KIAA0319: variants seen among roughly 807,000 people sequenced by gnomAD.
KIAA0319 encodes dyslexia-associated protein KIAA0319.
KIAA0319 carries 83 observed loss-of-function variants against 108.4 expected under a neutral mutation model. That is an observed-to-expected ratio of 0.77 (90% confidence interval 0.64 to 0.92). The LOEUF is 0.92. KIAA0319 is among the 40% of genes least tolerant of loss of function. The pLI, the probability that KIAA0319 is intolerant of heterozygous loss-of-function variation, is 0.00. For missense variants in KIAA0319, 1,195 were observed against 1,322.4 expected (o/e 0.90, Z 1.49); for synonymous variants, 484 against 510.4 (o/e 0.95, Z 0.70).
rs1231255682 is a variant in KIAA0319, at chr6:24,578,105, C to T, written c.1505+5G>A. The T allele has an allele frequency of 1.2e-6, 2 of 1,606,490 alleles. No homozygotes were observed. Among genetic ancestry groups the T allele is most frequent in the South Asian group, 2.2e-5 (2 of 89,070 alleles). ...GCAGCACAATAAAGGCAGGGACCCA[C>T]TTGCCTGAAACTATAGTTACCAGGA... is the stretch of plus-strand genomic sequence containing the variant. On this transcript the variant is annotated splice_donor_5th_base_variant and intron_variant, in intron 9 of 20. Coordinates refer to ENST00000378214, the MANE Select transcript of KIAA0319 (RefSeq NM_014809.4).
intron 3 of KIAA0319, 125 bp downstream of exon 3, chr6:24,595,748 C>T: frequency 9.8e-7 from 1 of 1,018,618 alleles, no homozygotes; most frequent in Non-Finnish European, 1.4e-6. Flanking sequence ...AGACAGGTGC[C>T]CTTAGGCGGA....
intron 20 of KIAA0319, among the ~76,000 whole-genome samples, chr6:24,549,419 G>T (rs1761127912): frequency 6.6e-6 from 1 of 151,778 alleles, no homozygotes; most frequent in Admixed American, 6.6e-5. Context: ...TGAGGAAGCG[G>T]CCCTGCCCAG....
chr6:24,578,227 G>C lies in KIAA0319; in HGVS notation c.1388C>G (p.Thr463Ser), dbSNP rs202167804. 6.3e-7 allele frequency: 1 copy of C among 1,598,686 alleles called. No individual in the cohort carries two copies. Among genetic ancestry groups the C allele is most frequent in the African/African-American group, 1.3e-5 (1 of 74,666 alleles). ...LIDGSQSTDDTEIVSYHWEEI... is the reference protein window; with the variant it reads ...LIDGSQSTDDSEIVSYHWEEI... The stretch of plus-strand genomic sequence containing the variant: ...TTCCCAATGATAACTCACTATTTCA[G>C]TATCATCTGTACTTTCTACAAGATT... The change falls in exon 9 of 21, where the codon ACT (threonine) becomes AGT (serine). Residue 463 changes from threonine (T) to serine (S), a missense_variant. Physicochemically the swap from Thr to Ser is moderately conservative, Grantham distance 58. Transcript: ENST00000378214.
At chr6:24,622,602 G>C (rs1011574317) in intron 1 of KIAA0319, among the ~76,000 whole-genome samples, 6 of 152,180 alleles carry the variant, frequency 3.9e-5, no homozygotes, top group Admixed American at 3.9e-4. Flanking sequence ...GATAATGCTA[G>C]CAGCTAATAT....
At chr6:24,551,104 G>A (rs1277655345) in intron 20 of KIAA0319, among the ~76,000 whole-genome samples, 4 of 151,296 alleles carry the variant, frequency 2.6e-5, no homozygotes, top group Non-Finnish European at 5.9e-5. Context: ...TCAGCCTCCC[G>A]AATAGCTGGG....
intron 7 of KIAA0319, 126 bp from the exon 8 acceptor site, chr6:24,580,076 GC>G: frequency 1.5e-6 from 1 of 688,234 alleles, no homozygotes. Flanking sequence ...TATCCTACAG[GC>G]CTCAACTATG....
chr6:24,625,260 G>T (rs1774550331), intron 1 of KIAA0319, among the ~76,000 whole-genome samples: 1 of 152,038 alleles, frequency 6.6e-6, no homozygotes, highest in Admixed American at 6.5e-5. Flanking sequence ...TGAATTAAAG[G>T]CCTAAATGTG....
At position 24,546,234 on chromosome 6, in the gene KIAA0319, CTG is replaced by C. The variant is rs1561893554; in HGVS notation, c.*929_*930del. The C allele has an allele frequency of 6.6e-6, 1 of 152,118 alleles. No homozygotes were observed. Among genetic ancestry groups the C allele is most frequent in the Non-Finnish European group, 1.5e-5 (1 of 68,026 alleles). The allele number at this position is 152,118 out of a possible 1,614,324, so 9.4% of individuals were successfully genotyped here. A position where few individuals can be genotyped will look rare whatever the true frequency, so the allele number is the denominator to read the frequency against. ...ACCACGCCATCCAAGTTAAGACTGACTGTATTTCAGAGTTTTGGAATATATAC... is the reference window on the plus strand; with the variant it reads ...ACCACGCCATCCAAGTTAAGACTGACTATTTCAGAGTTTTGGAATATATAC... On this transcript the variant is annotated 3_prime_UTR_variant, in exon 21 of 21. Transcript: ENST00000378214.
At chr6:24,579,536 C>T (rs1373625309) in intron 8 of KIAA0319, among the ~76,000 whole-genome samples, 3 of 140,790 alleles carry the variant, frequency 2.1e-5, no homozygotes, top group Admixed American at 1.5e-4. Flanking sequence ...TATATATATA[C>T]ATATATATAT....
At chr6:24,572,032 G>C (rs1050457129) in intron 11 of KIAA0319, among the ~76,000 whole-genome samples, 3 of 152,240 alleles carry the variant, frequency 2.0e-5, no homozygotes, top group African/African-American at 4.8e-5. Flanking sequence ...AAATAAATAA[G>C]TTGTCTATAG....
intron 10 of KIAA0319, among the ~76,000 whole-genome samples, chr6:24,575,770 A>T (rs1765394427): frequency 6.6e-6 from 1 of 152,174 alleles, no homozygotes; most frequent in East Asian, 1.9e-4. Flanking sequence ...ATGAAACTCA[A>T]ATAATAACAT....
rs199999798 is a variant in KIAA0319 at position 24,564,304 on chromosome 6, G to C, written c.2329C>G (p.Gln777Glu). The C allele has an allele frequency of 2.5e-6, 4 of 1,614,030 alleles. 1 individual carries two copies. Among genetic ancestry groups the C allele is most frequent in the Non-Finnish European group, 3.4e-6 (4 of 1,180,024 alleles). ...ACCCCCTCCACCAGATTCGTAAGCT[G>C]CAGAGCCACACTGTGGTCAGAGCCA... ...IDGSDHSVAL[Q>E]LTNLVEGVYT... The change falls in exon 15 of 21, where the codon CAG (glutamine) becomes GAG (glutamate). Residue 777 changes from glutamine (Q) to glutamate (E), a missense_variant. Coordinates refer to ENST00000378214, the MANE Select transcript of KIAA0319 (RefSeq NM_014809.4).
downstream of KIAA0319, among the ~76,000 whole-genome samples, chr6:24,542,613 T>C (rs1269774219): frequency 1.3e-5 from 2 of 152,092 alleles, no homozygotes; most frequent in Non-Finnish European, 2.9e-5. Flanking sequence ...CTCAGGAAGC[T>C]GAGAGGTGGG....
chr6:24,581,169 G>A (rs919359460), intron 6 of KIAA0319, among the ~76,000 whole-genome samples, 156 bp from the exon 7 acceptor site: 5 of 152,196 alleles, frequency 3.3e-5, no homozygotes, highest in Non-Finnish European at 5.9e-5. Flanking sequence ...AGAGGCTGCC[G>A]CATGTTTGAA....
intron 2 of KIAA0319, chr6:24,598,239 C>G: frequency 1.7e-6 from 1 of 576,402 alleles, no homozygotes; most frequent in Non-Finnish European, 3.2e-6. Context: ...TCACAGTCAA[C>G]TAGAGCCTGC....
intron 1 of KIAA0319, among the ~76,000 whole-genome samples, chr6:24,602,131 C>A (rs1770712758): frequency 6.6e-6 from 1 of 151,830 alleles, no homozygotes; most frequent in Non-Finnish European, 1.5e-5. Context: ...GATTCTTGTG[C>A]CTCAGCCTCC....
At chr6:24,556,868 G>T in intron 17 of KIAA0319, 139 bp from the exon 18 acceptor site, 1 of 988,284 alleles carries the variant, frequency 1.0e-6, no homozygotes, top group South Asian at 2.1e-5. Context: ...TGTGGACAGG[G>T]GTTCTGGAGA....
rs1769595681 is a variant in KIAA0319, at chr6:24,596,383, C to T, written c.291G>A (p.Arg97=). The change falls in exon 3 of 21, where the codon AGG becomes AGA. Residue 97 remains arginine (R), a synonymous_variant. Transcript: ENST00000378214. ...GCCGGAGCACAAAAGTGAGATAAGA[C>T]CTGATGGGGCCCATCTTCTTGGGCT... ...NCEPKKMGPI[R]SYLTFVLRPV... 6.2e-7 allele frequency: 1 copy of T among 1,614,104 alleles called. No individual in the cohort carries two copies. The highest frequency in any genetic ancestry group is 8.5e-7 in the Non-Finnish European group (1 of 1,180,046).
At chr6:24,564,423 T>C (rs1763606306) in intron 14 of KIAA0319, 83 bp from the exon 15 acceptor site, 1 of 1,560,142 alleles carries the variant, frequency 6.4e-7, no homozygotes, top group African/African-American at 1.4e-5. Flanking sequence ...AACCTCAGTG[T>C]CCCATCTTTT....
Sources: allele counts gnomAD v4.1 joint callset (sites outside exome capture counted in the v4.1 genomes callset), GRCh38; gene constraint gnomAD v4.1.1; transcripts MANE v1.5; gene names NCBI Gene and HGNC (gene_info 2026-07-23, HGNC 2026-07-21).